RBFOX1: variants seen among roughly 807,000 people sequenced by gnomAD.
RBFOX1 encodes RNA binding protein fox-1 homolog 1.
In RBFOX1, 8 loss-of-function variants were observed where a neutral mutation model predicts 57.7. The observed-to-expected ratio is 0.14, with a 90% CI of 0.08 to 0.25. RBFOX1 has a LOEUF of 0.25. Ranked by LOEUF, RBFOX1 falls within the 10% of genes least tolerant of loss-of-function variation. RBFOX1 has a pLI of 1.00. For missense variants in RBFOX1, 611 were observed against 548.5 expected (o/e 1.11, Z -1.14); for synonymous variants, 326 against 222.4 (o/e 1.47, Z -4.15).
At chr16:5,678,867 T>C (rs2050246122) in intron 3 of RBFOX1, among the ~76,000 whole-genome samples, 1 of 152,228 alleles carries the variant, frequency 6.6e-6, no homozygotes, top group Non-Finnish European at 1.5e-5. Context: ...TTCTTATTTG[T>C]AGACCCAGCT....
intron 3 of RBFOX1, among the ~76,000 whole-genome samples, chr16:6,800,316 C>G (rs187833499): frequency 3.9e-5 from 6 of 152,312 alleles, no homozygotes; most frequent in Admixed American, 3.9e-4. Flanking sequence ...ACCAGACGGG[C>G]TGGTAGTACC....
At position 5,435,344 on chromosome 16, in the gene RBFOX1, G is replaced by C. The variant is rs74004307; in HGVS notation, c.220-31872G>C. ...TCCCTTCTGAATTGGAGGGATGTTT[G>C]TGGGGTGTGTGTGTGTTGGGGGTGT... On this transcript the variant is annotated intron_variant, in intron 1 of 2. Coordinates refer to the RBFOX1 transcript ENST00000585867. 2.8e-3 allele frequency among the ~76,000 whole-genome samples: 423 copies of C among 152,302 alleles called. 4 individuals carry two copies. The highest frequency in any genetic ancestry group is 9.5e-3 in the African/African-American group (394 of 41,524).
chr16:7,475,695 T>A (rs867616730), intron 4 of RBFOX1, among the ~76,000 whole-genome samples: 35 of 152,300 alleles, frequency 2.3e-4, no homozygotes, highest in African/African-American at 7.5e-4. Flanking sequence ...GGTTTGCTGC[T>A]TGCCACATGA....
At chr16:5,424,728 C>G (rs1047343101) in intron 1 of RBFOX1, among the ~76,000 whole-genome samples, 2 of 151,870 alleles carry the variant, frequency 1.3e-5, no homozygotes, top group African/African-American at 2.4e-5. Flanking sequence ...TTACATGGGT[C>G]AGTTGAATAT....
At chr16:6,547,241 C>T (rs1422508990) in intron 2 of RBFOX1, among the ~76,000 whole-genome samples, 2 of 152,122 alleles carry the variant, frequency 1.3e-5, no homozygotes, top group Non-Finnish European at 2.9e-5. Flanking sequence ...TCTGTTTTTT[C>T]TTCCTCCTCT....
chr16:6,803,217 C>T (rs1014827624), intron 3 of RBFOX1, among the ~76,000 whole-genome samples: 1 of 152,056 alleles, frequency 6.6e-6, no homozygotes, highest in African/African-American at 2.4e-5. Flanking sequence ...GTTCACTTGA[C>T]CCTCATTGCC....
At chr16:5,271,163 A>G (rs1228744368) in intron 1 of RBFOX1, among the ~76,000 whole-genome samples, 2 of 152,010 alleles carry the variant, frequency 1.3e-5, no homozygotes, top group African/African-American at 4.8e-5. Flanking sequence ...AGCCTGGGCA[A>G]CAGAGTGAGA....
At chr16:7,677,268 TC>T (rs1177511312) in intron 14 of RBFOX1, among the ~76,000 whole-genome samples, 1 of 152,098 alleles carries the variant, frequency 6.6e-6, no homozygotes, top group African/African-American at 2.4e-5. Context: ...CAAGCCCCTT[TC>T]CTTTTTACAA....
chr16:6,641,474 C>G (rs934634657), intron 2 of RBFOX1, among the ~76,000 whole-genome samples: 1 of 152,064 alleles, frequency 6.6e-6, no homozygotes, highest in Non-Finnish European at 1.5e-5. Context: ...GTGGCCCACA[C>G]CTGTAATCCC....
At chr16:6,508,154 G>A (rs1369177951) in intron 2 of RBFOX1, among the ~76,000 whole-genome samples, 1 of 152,166 alleles carries the variant, frequency 6.6e-6, no homozygotes, top group Non-Finnish European at 1.5e-5. Context: ...ATAAGTGAGA[G>A]CTAAATGATG....
Position 5,737,591 on chromosome 16 carries a change from T to C in RBFOX1, c.319-129712T>C, listed in dbSNP as rs1168144969. On this transcript the variant is annotated intron_variant, in intron 3 of 19. Coordinates refer to the RBFOX1 transcript ENST00000641259. ...CTGCCTTATCCTGCTGCTATGTGGC[T>C]AACTCTTTATCCTGCTTTTTGTATG... Among the ~76,000 whole-genome samples the C allele has an allele frequency of 2.6e-5, 4 of 151,302 alleles. No homozygotes were observed. The East Asian group carries it at 7.8e-4, about 29-fold the overall frequency.
chr16:6,388,265 C>A (rs1057073547), intron 2 of RBFOX1, among the ~76,000 whole-genome samples: 2 of 151,902 alleles, frequency 1.3e-5, no homozygotes, highest in African/African-American at 4.8e-5. Flanking sequence ...CGTGCTTGGT[C>A]CTGTCTGTGG....
At chr16:6,707,302 A>G (rs552268997) in intron 3 of RBFOX1, among the ~76,000 whole-genome samples, 1 of 152,284 alleles carries the variant, frequency 6.6e-6, no homozygotes, top group Admixed American at 6.5e-5. Context: ...GCTGAGACAG[A>G]CGCATTTCCT....
chr16:6,965,493 T>G lies in RBFOX1; in HGVS notation c.-15-86564T>G, dbSNP rs199988110. ...CTGGGATTACAGGCGTGCGCCACCATGCCTGGCTAATTTTTGTATTTTTAG... is the reference window on the plus strand; with the variant it reads ...CTGGGATTACAGGCGTGCGCCACCAGGCCTGGCTAATTTTTGTATTTTTAG... On this transcript the variant is annotated intron_variant, in intron 3 of 15. Coordinates refer to ENST00000550418, the MANE Select transcript of RBFOX1 (RefSeq NM_018723.4). Among the ~76,000 whole-genome samples the G allele has an allele frequency of 3.9e-5, 6 of 152,072 alleles. 1 individual carries two copies. Among genetic ancestry groups the G allele is most frequent in the East Asian group, 3.9e-4 (2 of 5,176 alleles).
intron 4 of RBFOX1, among the ~76,000 whole-genome samples, chr16:6,011,522 T>C (rs2094961181): frequency 6.6e-6 from 1 of 152,222 alleles, no homozygotes; most frequent in South Asian, 2.1e-4. Flanking sequence ...GTTTTCCTTA[T>C]CTGTAAAATG....
rs185228793 is a variant in RBFOX1, at chr16:7,024,679, G to T, written c.-15-27378G>T. Among the ~76,000 whole-genome samples, 51 of 152,192 alleles carry T rather than the reference G, an allele frequency of 3.4e-4. 2 individuals are homozygous for T. In the East Asian group the frequency reaches 8.1e-3, roughly 24 times the overall value. ...CTGTTCTTTGCAGGCACTTAGATAC[G>T]AATGGAGGAGCCCCAGGCACAAATT... On this transcript the variant is annotated intron_variant, in intron 3 of 15. Coordinates refer to ENST00000550418, the MANE Select transcript of RBFOX1 (RefSeq NM_018723.4).
At chr16:7,469,795 A>G (rs1222439467) in intron 4 of RBFOX1, among the ~76,000 whole-genome samples, 4 of 152,118 alleles carry the variant, frequency 2.6e-5, no homozygotes, top group Non-Finnish European at 5.9e-5. Flanking sequence ...GAACTTTTTC[A>G]TCTTGTGAAA....
chr16:7,476,593 A>G (rs539174676), intron 4 of RBFOX1, among the ~76,000 whole-genome samples: 19 of 152,338 alleles, frequency 1.2e-4, no homozygotes, highest in Non-Finnish European at 1.9e-4. Context: ...AATGAGTAAC[A>G]TTCTGAAATG....
rs370520910 is a variant in RBFOX1 at position 6,739,675 on chromosome 16, G to A, written c.-16+85025G>A. On this transcript the variant is annotated intron_variant, in intron 3 of 15. Transcript: ENST00000550418. ...GTGGATCACATGAGGTCACGAGTTC[G>A]AGACCAGCTTGGCCAACATGGTGAA... Among the ~76,000 whole-genome samples, 353 of 152,192 alleles carry A rather than the reference G, an allele frequency of 2.3e-3. 1 individual carries two copies. The highest frequency in any genetic ancestry group is 0.017 in the Middle Eastern group (5 of 294).
Sources: allele counts gnomAD v4.1 joint callset (sites outside exome capture counted in the v4.1 genomes callset), GRCh38; gene constraint gnomAD v4.1.1; transcripts MANE v1.5; gene names NCBI Gene and HGNC (gene_info 2026-07-23, HGNC 2026-07-21).